Variants in GRID2 observed in about 807,000 individuals in gnomAD.
The protein encoded by GRID2 is glutamate ionotropic receptor delta type subunit 2.
In GRID2, 33 loss-of-function variants were observed where a neutral mutation model predicts 114.8. The ratio of observed to expected loss-of-function variants is 0.29; its 90% CI spans 0.22 to 0.38. GRID2 has a LOEUF of 0.38. Among genes scored for constraint, GRID2 ranks in the 10% least tolerant of loss-of-function variants. The pLI, the probability that GRID2 is intolerant of heterozygous loss-of-function variation, is 1.00. For synonymous variants in GRID2, 505 were observed against 449.9 expected, an observed-to-expected ratio of 1.12 and a Z score of -1.55; for missense variants, 1,184 against 1,257.7, an observed-to-expected ratio of 0.94 and a Z score of 0.89.
intron 14 of GRID2, among the ~76,000 whole-genome samples, chr4:93,704,124 T>C (rs888988085): frequency 4.6e-5 from 7 of 152,098 alleles, no homozygotes; most frequent in African/African-American, 1.7e-4. Context: ...AGTGTAAAAG[T>C]GTTCCTATTT....
intron 2 of GRID2, among the ~76,000 whole-genome samples, chr4:93,029,704 T>G (rs1292819237): frequency 6.6e-6 from 1 of 151,918 alleles, no homozygotes; most frequent in Non-Finnish European, 1.5e-5. Flanking sequence ...TAGCATCAGG[T>G]TTTTTTTAAT....
intron 13 of GRID2, among the ~76,000 whole-genome samples, chr4:93,531,359 T>C (rs1308173654): frequency 1.3e-5 from 2 of 152,170 alleles, no homozygotes; most frequent in African/African-American, 4.8e-5. Context: ...AATTTTGATA[T>C]TTTATAATGG....
At chr4:92,384,568 AATATATAAAAT>A (rs1560599049) in intron 1 of GRID2, among the ~76,000 whole-genome samples, 1 of 72,282 alleles carries the variant, frequency 1.4e-5, no homozygotes, top group African/African-American at 7.2e-5. Context: ...TATATAATAT[AATATATAAAAT>A]ATATTATATT....
At chr4:92,762,679 G>A (rs1738077100) in intron 2 of GRID2, among the ~76,000 whole-genome samples, 1 of 152,088 alleles carries the variant, frequency 6.6e-6, no homozygotes, top group African/African-American at 2.4e-5. Flanking sequence ...TTTGTTCGTT[G>A]TACCCCTAAT....
rs557290038 is a variant in GRID2 at position 93,678,017 on chromosome 4, T to C, written c.2360+51582T>C. Among the ~76,000 whole-genome samples the C allele has an allele frequency of 5.3e-5, 8 of 152,028 alleles. No individual in the cohort carries two copies. In the East Asian group the frequency reaches 1.6e-3, roughly 29 times the overall value. Reference sequence around the variant, plus strand: ...GAAATTCAAACCAAAGGCAAAGAAGTTGAAAACTTGGAAAAAATTTAGACG... The same window carrying C: ...GAAATTCAAACCAAAGGCAAAGAAGCTGAAAACTTGGAAAAAATTTAGACG... On this transcript the variant is annotated intron_variant, in intron 14 of 15. Coordinates refer to ENST00000282020, the MANE Select transcript of GRID2 (RefSeq NM_001510.4).
At chr4:92,689,204 AT>A (rs1206873686) in intron 2 of GRID2, among the ~76,000 whole-genome samples, 1 of 152,144 alleles carries the variant, frequency 6.6e-6, no homozygotes, top group Non-Finnish European at 1.5e-5. Context: ...AAGAGCTAGG[AT>A]TTTCAAAATG....
intron 2 of GRID2, among the ~76,000 whole-genome samples, chr4:92,827,510 G>A (rs995538141): frequency 2.6e-5 from 4 of 151,616 alleles, no homozygotes; most frequent in African/African-American, 4.8e-5. Flanking sequence ...GTCAAGACCC[G>A]ATATTCTACC....
intron 13 of GRID2, among the ~76,000 whole-genome samples, chr4:93,562,181 T>C (rs1286171555): frequency 6.8e-6 from 1 of 146,090 alleles, no homozygotes; most frequent in Non-Finnish European, 1.5e-5. Flanking sequence ...CTCATCAGCA[T>C]TTGGTTTTGT....
At chr4:93,528,399 A>C (rs1731130734) in intron 13 of GRID2, among the ~76,000 whole-genome samples, 1 of 151,692 alleles carries the variant, frequency 6.6e-6, no homozygotes, top group South Asian at 2.1e-4. Flanking sequence ...CACACAAATA[A>C]TGCACAAGAG....
At chr4:93,150,149 T>A (rs1177196842) in intron 4 of GRID2, among the ~76,000 whole-genome samples, 1 of 152,166 alleles carries the variant, frequency 6.6e-6, no homozygotes, top group Non-Finnish European at 1.5e-5. Context: ...GGTCAGTTAA[T>A]GTGACAGTTA....
At chr4:92,308,457 A>ATTTATTCATGTTT (rs1321820742) in intron 1 of GRID2, among the ~76,000 whole-genome samples, 1 of 152,142 alleles carries the variant, frequency 6.6e-6, no homozygotes, top group Admixed American at 6.5e-5. Context: ...GAAAAGATGC[A>ATTTATTCATGTTT]TTTATTCATG....
chr4:92,334,440 G>C (rs563221806), intron 1 of GRID2, among the ~76,000 whole-genome samples: 1 of 152,242 alleles, frequency 6.6e-6, no homozygotes, highest in Non-Finnish European at 1.5e-5. Flanking sequence ...CAAGAACAGA[G>C]ATTTATTTCT....
intron 2 of GRID2, among the ~76,000 whole-genome samples, chr4:92,991,595 A>G (rs1754909187): frequency 1.3e-5 from 2 of 152,224 alleles, no homozygotes; most frequent in Admixed American, 6.5e-5. Context: ...GAATGTTGCT[A>G]AGTATAGGAT....
chr4:92,710,357 A>G (rs186571111), intron 2 of GRID2, among the ~76,000 whole-genome samples: 86 of 152,338 alleles, frequency 5.6e-4, no homozygotes, highest in Non-Finnish European at 9.7e-4. Flanking sequence ...GATTATTTAT[A>G]GTTTGTGGGT....
At chr4:93,338,210 G>A (rs953842317) in intron 8 of GRID2, among the ~76,000 whole-genome samples, 1 of 151,962 alleles carries the variant, frequency 6.6e-6, no homozygotes, top group Non-Finnish European at 1.5e-5. Context: ...TTTTTTTGGT[G>A]CTATTTATAT....
chr4:93,762,879 G>A (rs908769813), intron 14 of GRID2, among the ~76,000 whole-genome samples: 1 of 152,072 alleles, frequency 6.6e-6, no homozygotes, highest in South Asian at 2.1e-4. Context: ...ACAAGGTGAG[G>A]TCATCATACC....
chr4:93,457,707 T>A (rs900124975), intron 11 of GRID2, among the ~76,000 whole-genome samples: 9 of 151,986 alleles, frequency 5.9e-5, no homozygotes, highest in Non-Finnish European at 1.3e-4. Flanking sequence ...ACCTATAGCG[T>A]GGTGTGGGGG....
chr4:92,680,199 T>G (rs1429667591), intron 2 of GRID2, among the ~76,000 whole-genome samples: 1 of 152,080 alleles, frequency 6.6e-6, no homozygotes, highest in Non-Finnish European at 1.5e-5. Context: ...TAGTGTAAGT[T>G]TTTTTACCAT....
intron 2 of GRID2, among the ~76,000 whole-genome samples, chr4:92,799,002 G>T (rs979497903): frequency 6.6e-6 from 1 of 152,002 alleles, no homozygotes; most frequent in Non-Finnish European, 1.5e-5. Context: ...CCAGGGATAC[G>T]ATTGGTGGAA....
Sources: allele counts gnomAD v4.1 joint callset (sites outside exome capture counted in the v4.1 genomes callset), GRCh38; gene constraint gnomAD v4.1.1; transcripts MANE v1.5; gene names NCBI Gene and HGNC (gene_info 2026-07-23, HGNC 2026-07-21).